COQ7: variants seen among roughly 807,000 people sequenced by gnomAD.
COQ7 encodes NADPH-dependent 3-demethoxyubiquinone 3-hydroxylase, mitochondrial.
A neutral mutation model predicts 25.0 loss-of-function variants in COQ7; 21 were observed. The ratio of observed to expected loss-of-function variants is 0.84; its 90% CI spans 0.60 to 1.21. COQ7 has a LOEUF of 1.21. Ranked by LOEUF, COQ7 falls within the 50% of genes most tolerant of loss-of-function variation. The pLI is 0.00. For synonymous variants in COQ7, 125 were observed against 112.4 expected, an observed-to-expected ratio of 1.11 and a Z score of -0.71; for missense variants, 311 against 296.2, an observed-to-expected ratio of 1.05 and a Z score of -0.37.
chr16:19,075,942 G>C (rs1203717047), intron 4 of COQ7, 82 bp downstream of exon 4: 1 of 1,571,870 alleles, frequency 6.4e-7, no homozygotes, highest in Non-Finnish European at 8.7e-7. Context: ...ACATGTTAGA[G>C]ATTGTTAGGG....
chr16:19,067,829 A>G, intron 1 of COQ7, 92 bp downstream of exon 1: 1 of 1,528,556 alleles, frequency 6.5e-7, no homozygotes, highest in Non-Finnish European at 8.7e-7. Flanking sequence ...CACGGGGGAG[A>G]GGTTCGTAAC....
rs1357218311 is a variant in COQ7, at chr16:19,077,454, A to G, written c.576+80A>G. 7.4e-6 allele frequency: 9 copies of G among 1,212,264 alleles called. No individual in the cohort carries two copies. In the African/African-American group the frequency reaches 1.1e-4, roughly 14 times the overall value. 75.1% of individuals were successfully genotyped at this position (1,212,264 alleles called of 1,614,324 possible). On this transcript the variant is annotated intron_variant, in intron 5 of 5. Coordinates refer to ENST00000321998, the MANE Select transcript of COQ7 (RefSeq NM_016138.5). ...AGGGGCAGGAGGTTTCTGTTGCCAG[A>G]AAAATACATTTTAAAGTGACAGCGA...
intron 1 of COQ7, 122 bp downstream of exon 1, chr16:19,067,859 G>A: frequency 6.7e-7 from 1 of 1,503,366 alleles, no homozygotes; most frequent in Non-Finnish European, 8.8e-7. Context: ...CTGCGACGGA[G>A]CGCGACTGCG....
intron 2 of COQ7, 194 bp downstream of exon 2, chr16:19,072,300 A>G: frequency 6.5e-6 from 4 of 617,488 alleles, no homozygotes; most frequent in Non-Finnish European, 1.1e-5. Context: ...ACAGAGAGAC[A>G]TCTAGTACAT....
Position 19,078,247 on chromosome 16 carries a change from C to T in COQ7, c.*89C>T, listed in dbSNP as rs1334462461. On this transcript the variant is annotated 3_prime_UTR_variant, in exon 6 of 6. Transcript: ENST00000321998. ...AAACAGGTGTACAGTTATCGTTGTA[C>T]TTTTGTACAATGTGAATTTTGTTAA... 2.3e-6 allele frequency: 2 copies of T among 879,746 alleles called. No individual in the cohort carries two copies. Among genetic ancestry groups the T allele is most frequent in the Admixed American group, 3.1e-5 (1 of 32,064 alleles). 54.5% of individuals were successfully genotyped at this position (879,746 alleles called of 1,614,324 possible). A position where few individuals can be genotyped will look rare whatever the true frequency, so the allele number is the denominator to read the frequency against.
chr16:19,078,947 G>A lies in COQ7; in HGVS notation c.*789G>A, dbSNP rs566603880. The A allele has an allele frequency of 6.6e-6, 1 of 152,264 alleles. No homozygotes were observed. Among genetic ancestry groups the A allele is most frequent in the Admixed American group, 6.5e-5 (1 of 15,282 alleles). 9.4% of individuals were successfully genotyped at this position (152,264 alleles called of 1,614,324 possible). ...TGTTTTGAATTGTGGGTGATAATGG[G>A]TGGGAGAGTGCTACAGTCTGTATGT... is the stretch of plus-strand genomic sequence containing the variant. On this transcript the variant is annotated 3_prime_UTR_variant, in exon 6 of 6. Transcript: ENST00000321998.
chr16:19,068,913 A>G, intron 1 of COQ7: 1 of 438,556 alleles, frequency 2.3e-6, no homozygotes, highest in Non-Finnish European at 4.5e-6. Flanking sequence ...AACAAATTAA[A>G]AAGTTATGAA....
At chr16:19,075,652 G>A (rs539320014) in intron 3 of COQ7, 69 bp from the exon 4 acceptor site, 194 of 1,496,542 alleles carry the variant, frequency 1.3e-4, no homozygotes, top group Admixed American at 7.9e-4. Flanking sequence ...AGAAGCCCTG[G>A]CCACAGATGG....
At chr16:19,072,795 G>C (rs1464311222) in intron 2 of COQ7, among the ~76,000 whole-genome samples, 1 of 152,194 alleles carries the variant, frequency 6.6e-6, no homozygotes, top group Admixed American at 6.6e-5. Context: ...CTTGCATGAA[G>C]CTATTTGATG....
downstream of COQ7, among the ~76,000 whole-genome samples, chr16:19,080,257 T>G (rs1183321257): frequency 6.6e-6 from 1 of 152,228 alleles, no homozygotes; most frequent in Non-Finnish European, 1.5e-5. Flanking sequence ...GGATGACATT[T>G]GACTCTGTCT....
intron 1 of COQ7, chr16:19,068,315 A>G: frequency 2.0e-6 from 2 of 990,120 alleles, no homozygotes; most frequent in Non-Finnish European, 2.4e-6. Context: ...ATGGTTTTGG[A>G]CCCTGGTTCC....
At chr16:19,077,698 G>T (rs1355550999) in intron 5 of COQ7, among the ~76,000 whole-genome samples, 1 of 148,884 alleles carries the variant, frequency 6.7e-6, no homozygotes, top group Non-Finnish European at 1.5e-5. Flanking sequence ...AAGCAATTCT[G>T]CCTCAGCCTC....
chr16:19,076,293 C>CT (rs1962836816), intron 4 of COQ7, among the ~76,000 whole-genome samples: 1 of 144,276 alleles, frequency 6.9e-6, no homozygotes, highest in South Asian at 2.2e-4. Context: ...TGGGGTCTCA[C>CT]TATGTTTTCC....
rs1371575608 is a variant in COQ7, at chr16:19,067,711, G to T, written c.47G>T (p.Arg16Leu). Residue 16 changes from arginine to leucine, a missense_variant, in exon 1 of 6, where the codon CGC becomes CTC. By Grantham distance (102) the Arg-to-Leu change is moderately radical. Coordinates refer to ENST00000321998, the MANE Select transcript of COQ7 (RefSeq NM_016138.5). ...AAAAPRLWRL[R>L]PGARRSLSAY... Reference sequence around the variant, plus strand: ...GCGGCTCCCCGCCTTTGGCGGCTGCGCCCGGGGGCCCGGCGGTCCCTCTCA... The same window carrying T: ...GCGGCTCCCCGCCTTTGGCGGCTGCTCCCGGGGGCCCGGCGGTCCCTCTCA... 2.5e-6 allele frequency: 4 copies of T among 1,606,478 alleles called. No homozygotes were observed. The Admixed American group carries it at 6.8e-5, about 27-fold the overall frequency.
chr16:19,067,898 CG>C lies in COQ7; in HGVS notation c.73+165del, dbSNP rs1343197447. 1.7e-5 allele frequency: 26 copies of C among 1,491,066 alleles called. No individual in the cohort carries two copies. In the East Asian group the frequency reaches 3.0e-4, roughly 17 times the overall value. 92.4% of individuals were successfully genotyped at this position (1,491,066 alleles called of 1,614,324 possible). A position where few individuals can be genotyped will look rare whatever the true frequency, so the allele number is the denominator to read the frequency against. On this transcript the variant is annotated intron_variant, in intron 1 of 5. Transcript: ENST00000321998. ...CTTCGGCCTCCGGGGCGCTGGCGGG[CG>C]GGGCGGGGTCTGTAGTTAGCGGCGA...
chr16:19,076,160 C>G (rs1011995520), intron 4 of COQ7, among the ~76,000 whole-genome samples: 3 of 151,996 alleles, frequency 2.0e-5, no homozygotes, highest in Non-Finnish European at 4.4e-5. Context: ...AGTCATAGCT[C>G]ACTGCATCTT....
intron 1 of COQ7, chr16:19,068,070 GTCTC>G (rs970366626): frequency 5.0e-6 from 6 of 1,190,558 alleles, no homozygotes; most frequent in Admixed American, 8.7e-5. Flanking sequence ...GTCTCCGGGA[GTCTC>G]TCTCTTTGTA....
chr16:19,070,431 T>C (rs534048925), intron 1 of COQ7, among the ~76,000 whole-genome samples: 2 of 152,252 alleles, frequency 1.3e-5, no homozygotes, highest in South Asian at 4.1e-4. Flanking sequence ...CCTAAAACAT[T>C]ACAAAGTGAT....
chr16:19,077,430 G>T, intron 5 of COQ7, 56 bp downstream of exon 5: 2 of 1,438,246 alleles, frequency 1.4e-6, no homozygotes, highest in Non-Finnish European at 1.9e-6. Flanking sequence ...GGAGGCTGAA[G>T]GGGCAGGAGG....
Sources: allele counts gnomAD v4.1 joint callset (sites outside exome capture counted in the v4.1 genomes callset), GRCh38; gene constraint gnomAD v4.1.1; transcripts MANE v1.5; gene names NCBI Gene and HGNC (gene_info 2026-07-23, HGNC 2026-07-21).